Variants in MTMR11 observed in about 807,000 individuals in gnomAD.
MTMR11 encodes the protein myotubularin related protein 11, also known as myotubularin-related protein 11.
A neutral mutation model predicts 100.0 loss-of-function variants in MTMR11; 89 were observed. That is an observed-to-expected ratio of 0.89 (90% CI 0.75 to 1.06). The LOEUF is 1.06. Ranked by LOEUF, MTMR11 falls within the 50% of genes least tolerant of loss-of-function variation. MTMR11 has a pLI of 0.00. For missense variants in MTMR11, 809 were observed against 873.7 expected, an observed-to-expected ratio of 0.93 and a Z score of 0.93; for synonymous variants, 336 against 326.3, an observed-to-expected ratio of 1.03 and a Z score of -0.32.
At position 149,929,221 on chromosome 1, in the gene MTMR11, C is replaced by T. The variant is rs782296590; in HGVS notation, c.2038G>A (p.Asp680Asn). Residue 680 changes from aspartate to asparagine, a missense_variant, in exon 17 of 17, where the codon GAT (aspartate) becomes AAT (asparagine). Transcript: ENST00000439741. ...RKWTPRISPEDHSKKRDPHTI... is the reference protein window; with the variant it reads ...RKWTPRISPENHSKKRDPHTI... ...TGTGGATCTCTTTTCTTGGAGTGAT[C>T]CTCAGGAGATATTCTTGGTGTCCAT... 4 of 1,613,920 alleles carry T rather than the reference C, an allele frequency of 2.5e-6. No individual in the cohort carries two copies. Among genetic ancestry groups the T allele is most frequent in the Admixed American group, 1.7e-5 (1 of 59,990 alleles).
At position 149,936,663 on chromosome 1, in the gene MTMR11, C is replaced by G; in HGVS notation, c.-16G>C. On this transcript the variant is annotated 5_prime_UTR_variant, in exon 1 of 17. Transcript: ENST00000439741. ...CCCACCACATTTCTCTGGCTCCATC[C>G]GGGGACACAGCAGTTAAGGGTGGGA... 2 of 1,521,984 alleles carry G rather than the reference C, an allele frequency of 1.3e-6. No homozygotes were observed. Among genetic ancestry groups the G allele is most frequent in the Non-Finnish European group, 8.9e-7 (1 of 1,120,174 alleles). 94.3% of individuals were successfully genotyped at this position (1,521,984 alleles called of 1,614,324 possible).
rs782207418 is a variant in MTMR11 at position 149,935,004 on chromosome 1, T to C, written c.450A>G (p.Leu150=). 1.2e-6 allele frequency: 2 copies of C among 1,613,968 alleles called. No individual in the cohort carries two copies. Among genetic ancestry groups the C allele is most frequent in the Non-Finnish European group, 1.7e-6 (2 of 1,180,024 alleles). Residue 150 remains leucine (L), a synonymous_variant, in exon 5 of 17, where the codon CTA becomes CTG. Transcript: ENST00000439741. ...LLRVGFEAGG[L]EPQAFQVTMA... ...CTCTTACCTGAAAAGCCTGAGGCTC[T>C]AGGCCTCCAGCCTCAAAACCAACTC...
Position 149,929,040 on chromosome 1 carries a change from T to C in MTMR11, c.*89A>G. On this transcript the variant is annotated 3_prime_UTR_variant, in exon 17 of 17. Coordinates refer to ENST00000439741, the MANE Select transcript of MTMR11 (RefSeq NM_001145862.2). ...CTATCTGCAGCAGAAACTCAGACCT[T>C]CTTAGTGAACTTAAGGGCTGAAGTG... The C allele has an allele frequency of 1.3e-6, 2 of 1,591,870 alleles. No individual in the cohort carries two copies. The highest frequency in any genetic ancestry group is 2.3e-5 in the South Asian group (2 of 88,590).
chr1:149,931,857 T>G (rs2092664648), intron 12 of MTMR11, 87 bp downstream of exon 12: 1 of 1,225,124 alleles, frequency 8.2e-7, no homozygotes. Flanking sequence ...GGAAGAAGCC[T>G]TATGGGTCTC....
intron 10 of MTMR11, 32 bp downstream of exon 10, chr1:149,933,374 G>A (rs2092685070): frequency 6.2e-7 from 1 of 1,612,702 alleles, no homozygotes; most frequent in Non-Finnish European, 8.5e-7. Flanking sequence ...TAGGGGTGAG[G>A]GTGAGGGTTA....
intron 4 of MTMR11, 69 bp downstream of exon 4, chr1:149,935,230 A>G (rs2101675437): frequency 1.9e-6 from 3 of 1,606,824 alleles, no homozygotes; most frequent in Non-Finnish European, 1.7e-6. Flanking sequence ...TTCTGAGAAC[A>G]GAGGAAGGAT....
In MTMR11 at chr1:149,932,277, G is replaced by A. The variant is rs2092669887; in HGVS notation, c.1039C>T (p.Leu347=). The change falls in exon 11 of 17, where the codon CTG becomes TTG. Residue 347 remains leucine (L), a synonymous_variant. Transcript: ENST00000439741. ...WLSALEGTRW[L]DYVRACLRKA... Reference sequence around the variant, plus strand: ...GCGAGGGAGTACCTGACATAGTCCAGCCATCGTGTTCCTTCCAGGGCTGAA... The same window carrying A: ...GCGAGGGAGTACCTGACATAGTCCAACCATCGTGTTCCTTCCAGGGCTGAA... The A allele has an allele frequency of 1.2e-6, 2 of 1,613,772 alleles. No homozygotes were observed. The highest frequency in any genetic ancestry group is 8.5e-7 in the Non-Finnish European group (1 of 1,179,748).
In MTMR11 at chr1:149,930,562, C is replaced by A; in HGVS notation, c.1465-15G>T. The A allele has an allele frequency of 6.3e-7, 1 of 1,593,520 alleles. No homozygotes were observed. Among genetic ancestry groups the A allele is most frequent in the South Asian group, 1.1e-5 (1 of 89,252 alleles). ...TAGGAGTTTAACTGGACAGAGGAAGCAAGAAAAAGGATGGTTACACACAAT... is the reference window on the plus strand; with the variant it reads ...TAGGAGTTTAACTGGACAGAGGAAGAAAGAAAAAGGATGGTTACACACAAT... On this transcript the variant is annotated splice_polypyrimidine_tract_variant and intron_variant, in intron 14 of 16. Coordinates refer to ENST00000439741, the MANE Select transcript of MTMR11 (RefSeq NM_001145862.2).
Position 149,929,634 on chromosome 1 carries a change from G to A in MTMR11, c.1930C>T (p.Pro644Ser), listed in dbSNP as rs1553766931. The stretch of plus-strand genomic sequence containing the variant: ...TTTTCCCTTCTTACCTGGACCTCAG[G>A]CCTTCCCCTCAGGTAGCAGCGTCTC... ...LWRRCYLRGR[P>S]EVQMGLSAPT... The change falls in exon 16 of 17, where the codon CCT becomes TCT. Residue 644 changes from proline (P) to serine (S), a missense_variant. Coordinates refer to ENST00000439741, the MANE Select transcript of MTMR11 (RefSeq NM_001145862.2). The A allele has an allele frequency of 1.9e-6, 3 of 1,611,938 alleles. No homozygotes were observed. Among genetic ancestry groups the A allele is most frequent in the Non-Finnish European group, 2.5e-6 (3 of 1,179,290 alleles).
intron 13 of MTMR11, 136 bp from the exon 14 acceptor site, chr1:149,931,101 A>T: frequency 7.5e-7 from 1 of 1,339,454 alleles, no homozygotes; most frequent in South Asian, 1.5e-5. Flanking sequence ...AATTGAGGGT[A>T]GCAGGGGCTT....
intron 3 of MTMR11, 43 bp from the exon 4 acceptor site, chr1:149,935,402 C>T: frequency 6.2e-7 from 1 of 1,608,286 alleles, no homozygotes. Flanking sequence ...AAATCGCCCT[C>T]ATTTTCCTAC....
chr1:149,936,538 G>A (rs912825425), intron 1 of MTMR11, 44 bp downstream of exon 1: 25 of 1,383,136 alleles, frequency 1.8e-5, no homozygotes, highest in Admixed American at 8.1e-5. Context: ...CCTCATCCCC[G>A]TTCTCACCCT....
intron 10 of MTMR11, among the ~76,000 whole-genome samples, chr1:149,932,988 C>G (rs1191301489): frequency 6.9e-6 from 1 of 145,338 alleles, no homozygotes; most frequent in Admixed American, 6.9e-5. Context: ...AAGTTTCACT[C>G]TTGTCGCCCA....
chr1:149,930,809 C>T lies in MTMR11; in HGVS notation c.1447G>A (p.Gly483Arg), dbSNP rs782477075. ...TCACTGACCTGTCCGCTCTGCTTTC[C>T]GCGCTCCCAGGGGGTATTTCTCAGG... is the stretch of plus-strand genomic sequence containing the variant. The part of the protein sequence containing the change: ...TFLRNTPWER[G>R]KQSGQLNSYT... The change falls in exon 14 of 17, where the codon GGA becomes AGA. Residue 483 changes from glycine (G) to arginine (R), a missense_variant. Transcript: ENST00000439741. The T allele has an allele frequency of 8.2e-6, 13 of 1,576,876 alleles. No individual in the cohort carries two copies. Among genetic ancestry groups the T allele is most frequent in the South Asian group, 2.4e-5 (2 of 85,098 alleles).
chr1:149,930,529 C>T lies in MTMR11; in HGVS notation c.1483G>A (p.Val495Ile). 1.9e-6 allele frequency: 3 copies of T among 1,613,144 alleles called. No homozygotes were observed. Among genetic ancestry groups the T allele is most frequent in the Non-Finnish European group, 2.5e-6 (3 of 1,179,546 alleles). Residue 495 changes from valine to isoleucine, a missense_variant, in exon 15 of 17, where the codon GTC (valine) becomes ATC (isoleucine). Coordinates refer to ENST00000439741, the MANE Select transcript of MTMR11 (RefSeq NM_001145862.2). ...QSGQLNSYTQ[V>I]YTPGYSQPPA... ...GGCTGGGAGTATCCTGGGGTGTAGA[C>T]TTGTGTATAGGAGTTTAACTGGACA...
chr1:149,933,753 C>G (rs2092689574), intron 8 of MTMR11, 55 bp from the exon 9 acceptor site: 1 of 1,610,570 alleles, frequency 6.2e-7, no homozygotes, highest in East Asian at 2.2e-5. Flanking sequence ...CTCCACGCTA[C>G]CCTTGCCCCC....
intron 2 of MTMR11, 135 bp downstream of exon 2, chr1:149,936,018 AG>A: frequency 1.0e-6 from 1 of 964,070 alleles, no homozygotes; most frequent in Non-Finnish European, 1.7e-6. Context: ...AGAGGCTGTC[AG>A]GGAGGACAGC....
At position 149,935,323 on chromosome 1, in the gene MTMR11, C is replaced by A; in HGVS notation, c.301G>T (p.Val101Phe). The A allele has an allele frequency of 1.2e-6, 2 of 1,613,662 alleles. No individual in the cohort carries two copies. The highest frequency in any genetic ancestry group is 1.7e-6 in the Non-Finnish European group (2 of 1,179,826). The change falls in exon 4 of 17, where the codon GTC (valine) becomes TTC (phenylalanine). Residue 101 changes from valine (V) to phenylalanine (F), a missense_variant. Coordinates refer to ENST00000439741, the MANE Select transcript of MTMR11 (RefSeq NM_001145862.2). ...PLNSEYDFAL[V>F]NIGRLEAVSG... Reference sequence around the variant, plus strand: ...CCAGCCTCTAATCGTCCAATGTTGACCAGGGCAAAATCGTATTCACTGTTC... The same window carrying A: ...CCAGCCTCTAATCGTCCAATGTTGAACAGGGCAAAATCGTATTCACTGTTC...
At position 149,929,489 on chromosome 1, in the gene MTMR11, T is replaced by C. The variant is rs2092626088; in HGVS notation, c.1941+134A>G. The C allele has an allele frequency of 3.1e-6, 4 of 1,272,960 alleles. No individual in the cohort carries two copies. The East Asian group carries it at 7.0e-5, about 22-fold the overall frequency. 78.9% of individuals were successfully genotyped at this position (1,272,960 alleles called of 1,614,324 possible). ...CACCTCCTACACTCCCAAACCTTGT[T>C]TGATGCCAAGAGGAGTAGAACTTCA... On this transcript the variant is annotated intron_variant, in intron 16 of 16. Coordinates refer to ENST00000439741, the MANE Select transcript of MTMR11 (RefSeq NM_001145862.2).
Sources: gnomAD v4.1 joint callset for allele counts (sites outside exome capture counted in the v4.1 genomes callset) on GRCh38, gnomAD v4.1.1 for gene constraint, MANE v1.5 for transcripts, NCBI Gene and HGNC (gene_info 2026-07-23, HGNC 2026-07-21) for gene names.